The following GABRB2 variants were observed in gnomAD, a reference collection of about 807,000 sequenced individuals.
GABRB2 encodes gamma-aminobutyric acid type A receptor subunit beta2.
A neutral mutation model predicts 54.7 loss-of-function variants in GABRB2; 16 were observed. The ratio of observed to expected loss-of-function variants is 0.29; its 90% CI spans 0.20 to 0.44. GABRB2 has a LOEUF of 0.44. Ranked by LOEUF, GABRB2 falls within the 20% of genes least tolerant of loss-of-function variation. The pLI is 1.00. For synonymous variants in GABRB2, 244 were observed against 233.8 expected (o/e 1.04, Z -0.40); for missense variants, 355 against 644.0 (o/e 0.55, Z 4.86).
intron 5 of GABRB2, among the ~76,000 whole-genome samples, chr5:161,374,587 A>G (rs1755229289): frequency 6.6e-6 from 1 of 152,180 alleles, no homozygotes; most frequent in Non-Finnish European, 1.5e-5. Context: ...TGGTTACTGT[A>G]GAGTCTTTGC....
chr5:161,525,815 T>G (rs1760260459), intron 3 of GABRB2, among the ~76,000 whole-genome samples: 1 of 151,320 alleles, frequency 6.6e-6, no homozygotes, highest in Non-Finnish European at 1.5e-5. Context: ...TTTCCCAGTA[T>G]TAAATAAATC....
At chr5:161,312,142 AG>A (rs1295782996) in intron 9 of GABRB2, among the ~76,000 whole-genome samples, 1 of 152,152 alleles carries the variant, frequency 6.6e-6, no homozygotes, top group Non-Finnish European at 1.5e-5. Context: ...CACCTCACCC[AG>A]GGATGCCTTG....
intron 3 of GABRB2, among the ~76,000 whole-genome samples, chr5:161,531,458 C>G (rs1197151773): frequency 6.6e-6 from 1 of 151,984 alleles, no homozygotes; most frequent in Non-Finnish European, 1.5e-5. Context: ...ATACTGATTT[C>G]AAAACAAACA....
chr5:161,516,121 T>A (rs1407708422), intron 3 of GABRB2, among the ~76,000 whole-genome samples: 1 of 152,210 alleles, frequency 6.6e-6, no homozygotes, highest in East Asian at 1.9e-4. Context: ...TTTCCTCAAA[T>A]GCAAAATAGT....
At chr5:161,304,751 A>G (rs1422899125) in intron 9 of GABRB2, among the ~76,000 whole-genome samples, 1 of 152,030 alleles carries the variant, frequency 6.6e-6, no homozygotes, top group African/African-American at 2.4e-5. Context: ...TTGGGGAGAG[A>G]ACAGTACATT....
chr5:161,402,302 A>G (rs1465158470), intron 5 of GABRB2, among the ~76,000 whole-genome samples: 1 of 152,158 alleles, frequency 6.6e-6, no homozygotes. Context: ...AAAATAAGAT[A>G]TATGTGATAA....
chr5:161,454,862 A>G (rs1390616621), intron 4 of GABRB2, among the ~76,000 whole-genome samples: 1 of 152,164 alleles, frequency 6.6e-6, no homozygotes. Context: ...TGTTAAGGAA[A>G]TTGGTTGGAA....
At chr5:161,472,671 G>C (rs2113301590) in intron 3 of GABRB2, among the ~76,000 whole-genome samples, 1 of 151,982 alleles carries the variant, frequency 6.6e-6, no homozygotes, top group East Asian at 1.9e-4. Context: ...AGCATCCCTA[G>C]TTTTGGCAGA....
At chr5:161,370,817 C>A (rs189942903) in intron 5 of GABRB2, among the ~76,000 whole-genome samples, 3 of 152,122 alleles carry the variant, frequency 2.0e-5, no homozygotes, top group Non-Finnish European at 4.4e-5. Context: ...ACCCAAGTGG[C>A]CATTAAAAAT....
intron 3 of GABRB2, among the ~76,000 whole-genome samples, chr5:161,485,240 T>A (rs1758883487): frequency 6.6e-6 from 1 of 151,992 alleles, no homozygotes; most frequent in African/African-American, 2.4e-5. Flanking sequence ...CAATTCATAT[T>A]TCTCCTGGAA....
intron 3 of GABRB2, among the ~76,000 whole-genome samples, chr5:161,500,625 T>C (rs2113376846): frequency 6.6e-6 from 1 of 152,322 alleles, no homozygotes; most frequent in East Asian, 1.9e-4. Context: ...ATCTTTCTTA[T>C]GTCTGCAATG....
chr5:161,415,086 C>T (rs1004084937), intron 4 of GABRB2, among the ~76,000 whole-genome samples: 3 of 152,124 alleles, frequency 2.0e-5, no homozygotes, highest in Non-Finnish European at 4.4e-5. Context: ...GCTTAATGGA[C>T]CTTAAATAAC....
chr5:161,501,020 T>C (rs1759422041), intron 3 of GABRB2, among the ~76,000 whole-genome samples: 2 of 151,746 alleles, frequency 1.3e-5, no homozygotes, highest in Admixed American at 6.6e-5. Context: ...GAGTGTGATG[T>C]TCCCCTTCCT....
intron 5 of GABRB2, among the ~76,000 whole-genome samples, chr5:161,378,346 A>C (rs1425137830): frequency 6.6e-6 from 1 of 152,174 alleles, no homozygotes; most frequent in Non-Finnish European, 1.5e-5. Context: ...TCTTAAGTAT[A>C]CTGAAATATG....
At chr5:161,333,115 C>A (rs1753900760) in intron 7 of GABRB2, among the ~76,000 whole-genome samples, 2 of 152,124 alleles carry the variant, frequency 1.3e-5, no homozygotes, top group Admixed American at 1.3e-4. Context: ...CACATAAAGA[C>A]ATTTTAAAAA....
chr5:161,534,531 T>C (rs1760569994), intron 3 of GABRB2, among the ~76,000 whole-genome samples: 1 of 152,190 alleles, frequency 6.6e-6, no homozygotes, highest in Non-Finnish European at 1.5e-5. Context: ...AAATTCAAGA[T>C]ACTTCCCTTG....
In GABRB2 at chr5:161,330,979, G is replaced by A; in HGVS notation, c.981C>T (p.Asn327=). The change falls in exon 8 of 10, where the codon AAC becomes AAT. Residue 327 remains asparagine (N), a synonymous_variant. Transcript: ENST00000393959. ...FMALLEYALV[N]YIFFGRGPQR... is the part of the protein sequence containing the mutation. ...GGGGCCCCCTCCCAAAGAAGATGTA[G>A]TTGACTAGGGCATATTCCAGAAGGG... The A allele has an allele frequency of 6.2e-7, 1 of 1,614,170 alleles. No homozygotes were observed. Among genetic ancestry groups the A allele is most frequent in the Non-Finnish European group, 8.5e-7 (1 of 1,180,030 alleles).
At chr5:161,533,304 C>A (rs1334676423) in intron 3 of GABRB2, among the ~76,000 whole-genome samples, 11 of 152,018 alleles carry the variant, frequency 7.2e-5, no homozygotes, top group Admixed American at 7.2e-4. Flanking sequence ...AAATAAAATG[C>A]ACAAAAGGAA....
At chr5:161,348,296 A>G (rs1754377315) in intron 5 of GABRB2, among the ~76,000 whole-genome samples, 1 of 152,092 alleles carries the variant, frequency 6.6e-6, no homozygotes, top group African/African-American at 2.4e-5. Flanking sequence ...TAATGAATAT[A>G]AATAACGTTT....
Sources: gnomAD v4.1 joint callset for allele counts (sites outside exome capture counted in the v4.1 genomes callset) on GRCh38, gnomAD v4.1.1 for gene constraint, MANE v1.5 for transcripts, NCBI Gene and HGNC (gene_info 2026-07-23, HGNC 2026-07-21) for gene names.